The following CREB5 variants were observed in gnomAD, a reference collection of about 807,000 sequenced individuals.
CREB5 encodes cAMP responsive element binding protein 5.
CREB5 carries 19 observed loss-of-function variants against 57.1 expected under a neutral mutation model. The observed-to-expected ratio is 0.33, with a 90% CI of 0.23 to 0.49. The LOEUF is 0.49. CREB5 is among the 20% of genes least tolerant of loss of function. CREB5 has a pLI of 0.99. For missense variants in CREB5, 579 were observed against 671.6 expected, an observed-to-expected ratio of 0.86 and a Z score of 1.52; for synonymous variants, 238 against 238.3, an observed-to-expected ratio of 1.00 and a Z score of 0.01.
intron 1 of CREB5, among the ~76,000 whole-genome samples, chr7:28,300,610 A>C (rs945016621): frequency 1.3e-5 from 2 of 152,140 alleles, no homozygotes; most frequent in Non-Finnish European, 2.9e-5. Context: ...CCCAGTGAAC[A>C]TTTCCTGTTG....
intron 1 of CREB5, among the ~76,000 whole-genome samples, chr7:28,435,894 G>C (rs1347182727): frequency 6.6e-6 from 1 of 152,038 alleles, no homozygotes; most frequent in Non-Finnish European, 1.5e-5. Context: ...ACCAGAAAGG[G>C]GTGAGTAATA....
At chr7:28,382,430 A>G (rs2127996161) in intron 1 of CREB5, among the ~76,000 whole-genome samples, 1 of 149,330 alleles carries the variant, frequency 6.7e-6, no homozygotes, top group Admixed American at 6.6e-5. Context: ...AATTAATGCA[A>G]TGATTGAGAA....
chr7:28,334,850 G>A (rs533888712), intron 1 of CREB5, among the ~76,000 whole-genome samples: 222 of 152,300 alleles, frequency 1.5e-3, no homozygotes, highest in African/African-American at 5.3e-3. Context: ...TTAGATTTAA[G>A]TCTTTAATCC....
chr7:28,376,435 A>G (rs1034141131), intron 1 of CREB5, among the ~76,000 whole-genome samples: 2 of 151,746 alleles, frequency 1.3e-5, no homozygotes, highest in South Asian at 4.2e-4. Context: ...CACCCAGCTA[A>G]TGTTTTGTAT....
chr7:28,377,946 C>CAAAAAAAAAAAAAAAAAA (rs61692392), intron 1 of CREB5, among the ~76,000 whole-genome samples: 1 of 132,916 alleles, frequency 7.5e-6, no homozygotes, highest in Non-Finnish European at 1.6e-5. Context: ...AAAAAAAAAA[C>CAAAAAAAAAAAAAAAAAA]AAAAAAGAAA....
At chr7:28,394,399 G>C (rs374174201) in intron 1 of CREB5, among the ~76,000 whole-genome samples, 13 of 152,150 alleles carry the variant, frequency 8.5e-5, no homozygotes, top group African/African-American at 3.1e-4. Context: ...GGGACTAATG[G>C]AGTAGATTAA....
intron 5 of CREB5, among the ~76,000 whole-genome samples, chr7:28,619,003 A>G (rs1301850055): frequency 6.6e-6 from 1 of 152,226 alleles, no homozygotes; most frequent in Non-Finnish European, 1.5e-5. Flanking sequence ...TATCATTCTC[A>G]CTTTATAGAT....
intron 5 of CREB5, among the ~76,000 whole-genome samples, chr7:28,656,003 C>T (rs998318293): frequency 6.6e-6 from 1 of 152,104 alleles, no homozygotes; most frequent in African/African-American, 2.4e-5. Context: ...AGTTCATTAA[C>T]AAATTCTAAA....
intron 5 of CREB5, among the ~76,000 whole-genome samples, chr7:28,661,307 G>A (rs1156589385): frequency 6.6e-6 from 1 of 152,072 alleles, no homozygotes; most frequent in African/African-American, 2.4e-5. Context: ...TGTCATAATT[G>A]TTTATCACTT....
chr7:28,432,656 C>T (rs758541334), intron 1 of CREB5, among the ~76,000 whole-genome samples: 6 of 151,970 alleles, frequency 3.9e-5, no homozygotes, highest in East Asian at 1.9e-4. Flanking sequence ...TGTTCCTGTC[C>T]GAGTCAGAAA....
chr7:28,322,677 G>A (rs10479815), intron 1 of CREB5, among the ~76,000 whole-genome samples: 91,605 of 150,360 alleles, frequency 0.61, 28,641 homozygotes, highest in African/African-American at 0.76. Flanking sequence ...ATTCCTACTT[G>A]TAAGTGAGAA....
At chr7:28,461,702 G>A (rs186316058) in intron 1 of CREB5, among the ~76,000 whole-genome samples, 4 of 152,194 alleles carry the variant, frequency 2.6e-5, no homozygotes, top group East Asian at 1.9e-4. Flanking sequence ...AAACGATTTC[G>A]TGAATGTGAT....
At chr7:28,586,131 G>A (rs1796297304) in intron 5 of CREB5, among the ~76,000 whole-genome samples, 1 of 152,106 alleles carries the variant, frequency 6.6e-6, no homozygotes, top group African/African-American at 2.4e-5. Context: ...AATTCTCCCA[G>A]TCAGACCACT....
chr7:28,794,442 A>C (rs562187394), intron 7 of CREB5, among the ~76,000 whole-genome samples: 1 of 152,322 alleles, frequency 6.6e-6, no homozygotes, highest in African/African-American at 2.4e-5. Flanking sequence ...GCAATCAACA[A>C]ATATTTATTC....
chr7:28,390,634 T>C (rs568582062), intron 1 of CREB5, among the ~76,000 whole-genome samples: 2 of 152,218 alleles, frequency 1.3e-5, no homozygotes, highest in Admixed American at 6.5e-5. Context: ...ACCAGAAGAG[T>C]TCTGTATTTC....
At chr7:28,308,347 G>T (rs1397711736) in intron 1 of CREB5, among the ~76,000 whole-genome samples, 3 of 152,174 alleles carry the variant, frequency 2.0e-5, no homozygotes, top group Non-Finnish European at 4.4e-5. Flanking sequence ...AGCCGCTCTA[G>T]TGCTTTCGAC....
chr7:28,488,590 G>T (rs1791670614), intron 2 of CREB5, among the ~76,000 whole-genome samples: 2 of 152,184 alleles, frequency 1.3e-5, no homozygotes, highest in African/African-American at 2.4e-5. Flanking sequence ...TTTTACAAAA[G>T]CCACTTGAAT....
chr7:28,380,598 A>G (rs1221768506), intron 1 of CREB5, among the ~76,000 whole-genome samples: 2 of 152,308 alleles, frequency 1.3e-5, no homozygotes, highest in East Asian at 1.9e-4. Flanking sequence ...TTGGCATCAC[A>G]TCCGAGGGGT....
intron 1 of CREB5, among the ~76,000 whole-genome samples, chr7:28,367,644 C>T (rs917347529): frequency 2.0e-5 from 3 of 152,046 alleles, no homozygotes; most frequent in Non-Finnish European, 2.9e-5. Context: ...CCTGTCTCTA[C>T]TAAAAATACA....
Sources: gnomAD v4.1 joint callset for allele counts (sites outside exome capture counted in the v4.1 genomes callset) on GRCh38, gnomAD v4.1.1 for gene constraint, MANE v1.5 for transcripts, NCBI Gene and HGNC (gene_info 2026-07-23, HGNC 2026-07-21) for gene names.